ZMAT4: variants seen among roughly 807,000 people sequenced by gnomAD.
ZMAT4 encodes zinc finger matrin-type 4.
Under a neutral mutation model 28.7 loss-of-function variants are expected in ZMAT4, and 17 were observed. The observed-to-expected ratio is 0.59, with a 90% CI of 0.41 to 0.89. The LOEUF (loss-of-function observed/expected upper bound fraction) is 0.89. Ranked by LOEUF, ZMAT4 falls within the 40% of genes least tolerant of loss-of-function variation. The pLI, the probability that ZMAT4 is intolerant of heterozygous loss-of-function variation, is 0.00. For missense variants in ZMAT4, 240 were observed against 283.8 expected, an observed-to-expected ratio of 0.85 and a Z score of 1.11; for synonymous variants, 117 against 109.2, an observed-to-expected ratio of 1.07 and a Z score of -0.44.
At chr8:40,728,400 G>A (rs1416948573) in intron 3 of ZMAT4, among the ~76,000 whole-genome samples, 1 of 152,132 alleles carries the variant, frequency 6.6e-6, no homozygotes, top group Non-Finnish European at 1.5e-5. Flanking sequence ...TGGCAAAAAT[G>A]TTTCCATCTT....
chr8:40,716,891 T>A (rs1339737144), intron 3 of ZMAT4, among the ~76,000 whole-genome samples: 6 of 152,152 alleles, frequency 3.9e-5, no homozygotes, highest in Non-Finnish European at 5.9e-5. Context: ...TAGCAGTTTC[T>A]CCAGGAAGCC....
chr8:40,703,147 T>G (rs1227451802), intron 3 of ZMAT4, among the ~76,000 whole-genome samples: 2 of 152,194 alleles, frequency 1.3e-5, no homozygotes, highest in Non-Finnish European at 2.9e-5. Flanking sequence ...TTAGAAGCAG[T>G]GGCTCAGCAT....
chr8:40,546,650 C>A (rs193055003), intron 6 of ZMAT4, among the ~76,000 whole-genome samples: 180 of 152,236 alleles, frequency 1.2e-3, no homozygotes, highest in Middle Eastern at 6.8e-3. Flanking sequence ...CAGGAAAGTG[C>A]CAGTTCCTGA....
At chr8:40,859,410 C>G (rs1436708635) in intron 1 of ZMAT4, among the ~76,000 whole-genome samples, 5 of 152,172 alleles carry the variant, frequency 3.3e-5, no homozygotes, top group African/African-American at 1.2e-4. Context: ...CCCAAATCTT[C>G]AATCCCTCAA....
intron 3 of ZMAT4, among the ~76,000 whole-genome samples, chr8:40,744,319 G>T (rs971652770): frequency 6.6e-6 from 1 of 152,196 alleles, no homozygotes; most frequent in Non-Finnish European, 1.5e-5. Context: ...CCTGCTAGGG[G>T]TGAAGATGGG....
At chr8:40,829,428 C>T (rs13273137) in intron 1 of ZMAT4, among the ~76,000 whole-genome samples, 25,477 of 152,186 alleles carry the variant, frequency 0.17, 2,255 homozygotes, top group African/African-American at 0.21. Context: ...CACATTTTCA[C>T]GTGCTGTCCG....
chr8:40,635,508 C>T (rs1204614556), intron 5 of ZMAT4, among the ~76,000 whole-genome samples: 1 of 152,164 alleles, frequency 6.6e-6, no homozygotes, highest in African/African-American at 2.4e-5. Context: ...CAGTCCCAAC[C>T]TCAGGCATAC....
At chr8:40,699,730 A>G (rs528274056) in intron 3 of ZMAT4, among the ~76,000 whole-genome samples, 4 of 152,246 alleles carry the variant, frequency 2.6e-5, no homozygotes, top group Non-Finnish European at 5.9e-5. Flanking sequence ...CATTTTTTTA[A>G]CTACTTACGC....
intron 4 of ZMAT4, among the ~76,000 whole-genome samples, chr8:40,681,287 C>T (rs1809153564): frequency 6.6e-6 from 1 of 152,230 alleles, no homozygotes; most frequent in Admixed American, 6.5e-5. Flanking sequence ...TCCTAGGCTT[C>T]AACATCTGCT....
intron 1 of ZMAT4, among the ~76,000 whole-genome samples, chr8:40,832,347 A>G (rs1447054951): frequency 6.6e-6 from 1 of 152,148 alleles, no homozygotes; most frequent in Non-Finnish European, 1.5e-5. Context: ...CTGCCTGGAC[A>G]TTCTAGTTCT....
intron 2 of ZMAT4, among the ~76,000 whole-genome samples, chr8:40,813,974 G>A (rs1263306603): frequency 6.6e-6 from 1 of 152,204 alleles, no homozygotes; most frequent in Non-Finnish European, 1.5e-5. Context: ...AATAGTGACA[G>A]CAAAGGTGAT....
intron 2 of ZMAT4, among the ~76,000 whole-genome samples, chr8:40,773,786 C>T (rs866904700): frequency 2.0e-5 from 3 of 151,562 alleles, no homozygotes; most frequent in Non-Finnish European, 4.4e-5. Flanking sequence ...AGAATCAACA[C>T]AGGAGATCTA....
chr8:40,896,915 A>C (rs771833213), intron 1 of ZMAT4, among the ~76,000 whole-genome samples: 5 of 151,398 alleles, frequency 3.3e-5, no homozygotes, highest in Non-Finnish European at 7.4e-5. Context: ...TCTGGGGACA[A>C]GGGTGTAAGC....
At chr8:40,579,775 A>G (rs1487218212) in intron 6 of ZMAT4, among the ~76,000 whole-genome samples, 1 of 152,160 alleles carries the variant, frequency 6.6e-6, no homozygotes, top group Non-Finnish European at 1.5e-5. Flanking sequence ...AAGACCCAAT[A>G]ACATATCTGA....
chr8:40,554,186 C>T (rs751519681), intron 6 of ZMAT4, among the ~76,000 whole-genome samples: 1 of 152,080 alleles, frequency 6.6e-6, no homozygotes, highest in Non-Finnish European at 1.5e-5. Context: ...TTGGGGGTCA[C>T]TTAAAGTTTT....
chr8:40,840,053 C>T (rs748795538), intron 1 of ZMAT4, among the ~76,000 whole-genome samples: 3 of 152,198 alleles, frequency 2.0e-5, no homozygotes, highest in Non-Finnish European at 2.9e-5. Flanking sequence ...GGCCTGGACT[C>T]ACATTAAAAT....
intron 3 of ZMAT4, among the ~76,000 whole-genome samples, chr8:40,718,947 TGGAATCCCA>T (rs1810966519): frequency 6.6e-6 from 1 of 152,192 alleles, no homozygotes; most frequent in Non-Finnish European, 1.5e-5. Context: ...GGCACTGACC[TGGAATCCCA>T]GGAATCCTTA....
intron 2 of ZMAT4, among the ~76,000 whole-genome samples, chr8:40,788,289 C>T (rs1490071840): frequency 9.4e-6 from 1 of 106,910 alleles, no homozygotes; most frequent in Non-Finnish European, 2.5e-5. Context: ...ACTACCAAAG[C>T]TTAAGAATAA....
At chr8:40,764,161 G>A (rs913203189) in intron 3 of ZMAT4, among the ~76,000 whole-genome samples, 2 of 152,100 alleles carry the variant, frequency 1.3e-5, no homozygotes, top group Admixed American at 6.6e-5. Flanking sequence ...TGTCTCTAAC[G>A]CTGGAGGGAT....
Sources: allele counts gnomAD v4.1 joint callset (sites outside exome capture counted in the v4.1 genomes callset), GRCh38; gene constraint gnomAD v4.1.1; transcripts MANE v1.5; gene names NCBI Gene and HGNC (gene_info 2026-07-23, HGNC 2026-07-21).